The following TENM2 variants were observed in gnomAD, a reference collection of about 807,000 sequenced individuals.
The protein encoded by TENM2 is teneurin transmembrane protein 2.
Under a neutral mutation model 245.2 loss-of-function variants are expected in TENM2, and 52 were observed. That is an observed-to-expected ratio of 0.21 (90% CI 0.17 to 0.27). The LOEUF (loss-of-function observed/expected upper bound fraction) is 0.27. Ranked by LOEUF, TENM2 falls within the 10% of genes least tolerant of loss-of-function variation. The pLI, the probability that TENM2 is intolerant of heterozygous loss-of-function variation, is 1.00. For missense variants in TENM2, 3,046 were observed against 3,666.8 expected (o/e 0.83, Z 4.37); for synonymous variants, 1,363 against 1,438.9 (o/e 0.95, Z 1.19).
At chr5:167,544,328 G>A (rs1324725905) in intron 2 of TENM2, among the ~76,000 whole-genome samples, 1 of 152,144 alleles carries the variant, frequency 6.6e-6, no homozygotes, top group African/African-American at 2.4e-5. Context: ...ACAGAGGATG[G>A]TATCTTCCTG....
At chr5:167,138,839 T>A in the TENM2 span, among the ~76,000 whole-genome samples, 2 of 152,072 alleles carry the variant, frequency 1.3e-5, no homozygotes, top group Non-Finnish European at 2.9e-5. Flanking sequence ...GCCAGGCTGG[T>A]CTCAAACTCC....
intron 2 of TENM2, among the ~76,000 whole-genome samples, chr5:167,569,078 C>CTTTTTTTTTTTTTTT (rs34311803): frequency 6.1e-5 from 3 of 48,952 alleles, no homozygotes; most frequent in African/African-American, 2.8e-4. Flanking sequence ...CTTCCTACAG[C>CTTTTTTTTTTTTTTT]TTTTTTTTTT....
At chr5:167,007,207 C>T in the TENM2 span, among the ~76,000 whole-genome samples, 1 of 151,996 alleles carries the variant, frequency 6.6e-6, no homozygotes, top group Non-Finnish European at 1.5e-5. This position sits in a 1 kb window ranked among gnomAD's most constrained non-coding sequence, Gnocchi z 4.2. Flanking sequence ...GTGTTATTCC[C>T]CCATTGCCTA....
chr5:166,996,902 A>G, the TENM2 span, among the ~76,000 whole-genome samples: 1 of 152,318 alleles, frequency 6.6e-6, no homozygotes, highest in South Asian at 2.1e-4. Flanking sequence ...GGCAAGTTGG[A>G]CTAACTGCCC....
chr5:167,819,825 C>G (rs1767367849), intron 2 of TENM2, among the ~76,000 whole-genome samples: 1 of 152,116 alleles, frequency 6.6e-6, no homozygotes, highest in African/African-American at 2.4e-5. Context: ...CTGTGGTCTT[C>G]CTGTCTAGGG....
chr5:167,266,408 A>G, the TENM2 span, among the ~76,000 whole-genome samples: 30 of 152,184 alleles, frequency 2.0e-4, no homozygotes, highest in Admixed American at 9.8e-4. Context: ...AATTTGGCTA[A>G]TAAGGAAGCT....
At chr5:167,242,726 A>G in the TENM2 span, among the ~76,000 whole-genome samples, 1 of 152,210 alleles carries the variant, frequency 6.6e-6, no homozygotes, top group Non-Finnish European at 1.5e-5. Flanking sequence ...ATAACATACA[A>G]AATATGTCTT....
chr5:168,165,160 A>G (rs957306462), intron 13 of TENM2: 1 of 152,232 alleles, frequency 6.6e-6, no homozygotes, highest in African/African-American at 2.4e-5. Flanking sequence ...CAGAGCTCCC[A>G]TTCATTCATT....
intron 2 of TENM2, among the ~76,000 whole-genome samples, chr5:167,493,321 A>G (rs1289246634): frequency 6.6e-6 from 1 of 152,120 alleles, no homozygotes; most frequent in African/African-American, 2.4e-5. Flanking sequence ...TATTGGCACA[A>G]TGAGAAACAC....
chr5:167,260,226 T>A, the TENM2 span, among the ~76,000 whole-genome samples: 1 of 152,200 alleles, frequency 6.6e-6, no homozygotes, highest in Non-Finnish European at 1.5e-5. Flanking sequence ...AATGATAAAT[T>A]ATTCTTTATT....
the TENM2 span, among the ~76,000 whole-genome samples, chr5:167,247,789 G>A: frequency 6.6e-6 from 1 of 152,102 alleles, no homozygotes; most frequent in Non-Finnish European, 1.5e-5. Context: ...TAATTTAGGG[G>A]ATGGCATGGA....
the TENM2 span, among the ~76,000 whole-genome samples, chr5:167,147,575 A>G: frequency 1.4e-4 from 22 of 152,148 alleles, no homozygotes; most frequent in African/African-American, 7.2e-5. Flanking sequence ...TTGACAGGGA[A>G]TATTTCATAT....
intron 12 of TENM2, among the ~76,000 whole-genome samples, chr5:168,160,262 T>C (rs1389082704): frequency 3.3e-5 from 5 of 152,172 alleles, no homozygotes; most frequent in African/African-American, 9.7e-5. Flanking sequence ...GCAGAAATGT[T>C]TGTGGCATTT....
At chr5:167,730,157 A>G (rs1047030749) in intron 2 of TENM2, among the ~76,000 whole-genome samples, 2 of 152,206 alleles carry the variant, frequency 1.3e-5, no homozygotes, top group Non-Finnish European at 2.9e-5. Flanking sequence ...CTGTTCCTGC[A>G]GTGCCGTTGT....
At chr5:167,490,792 C>T (rs1331143069) in intron 2 of TENM2, among the ~76,000 whole-genome samples, 1 of 152,158 alleles carries the variant, frequency 6.6e-6, no homozygotes, top group Non-Finnish European at 1.5e-5. Context: ...AGCCTCTCTA[C>T]TGCAAGTGAC....
the TENM2 span, among the ~76,000 whole-genome samples, chr5:167,122,535 A>C: frequency 2.6e-5 from 4 of 152,138 alleles, no homozygotes; most frequent in African/African-American, 9.7e-5. Context: ...GAACCTAATA[A>C]ATCCAGGCAA....
chr5:167,120,450 A>G, the TENM2 span, among the ~76,000 whole-genome samples: 1 of 152,350 alleles, frequency 6.6e-6, no homozygotes, highest in Non-Finnish European at 1.5e-5. Flanking sequence ...AAATCACAAA[A>G]GTGAAGCTTG....
At chr5:168,168,478 A>G (rs186569883) in intron 13 of TENM2, among the ~76,000 whole-genome samples, 308 of 152,290 alleles carry the variant, frequency 2.0e-3, no homozygotes, top group African/African-American at 7.0e-3. Flanking sequence ...TCAAGAGTTC[A>G]AGACCAGCCT....
At chr5:168,149,394 C>G (rs559489733) in intron 12 of TENM2, 1 of 457,108 alleles carries the variant, frequency 2.2e-6, no homozygotes. Flanking sequence ...TAGTTCCAAC[C>G]GAGGAGTCTG....
Sources: allele counts gnomAD v4.1 joint callset (sites outside exome capture counted in the v4.1 genomes callset), GRCh38; gene constraint gnomAD v4.1.1; non-coding constraint Gnocchi (gnomAD v3.1); transcripts MANE v1.5; gene names NCBI Gene and HGNC (gene_info 2026-07-23, HGNC 2026-07-21).